Variants in RBFOX1 observed in about 807,000 individuals in gnomAD.
The protein encoded by RBFOX1 is RNA binding protein fox-1 homolog 1.
In RBFOX1, 8 loss-of-function variants were observed where a neutral mutation model predicts 57.7. That is an observed-to-expected ratio of 0.14 (90% CI 0.08 to 0.25). The LOEUF (loss-of-function observed/expected upper bound fraction) is 0.25, where lower values mean the gene tolerates loss of function less well. Among genes scored for constraint, RBFOX1 ranks in the 10% least tolerant of loss-of-function variants. The probability of loss-of-function intolerance (pLI) is 1.00; values close to 1 mark genes in which losing one functional copy is unlikely to be tolerated. For missense variants in RBFOX1, 611 were observed against 548.5 expected (o/e 1.11, Z -1.14); for synonymous variants, 326 against 222.4 (o/e 1.47, Z -4.15).
At chr16:5,938,663 G>T (rs1002873385) in intron 4 of RBFOX1, among the ~76,000 whole-genome samples, 1 of 152,062 alleles carries the variant, frequency 6.6e-6, no homozygotes, top group Admixed American at 6.6e-5. Flanking sequence ...TACACCTGGG[G>T]TCATTTTTTC....
chr16:7,029,059 T>C (rs1211802406), intron 3 of RBFOX1, among the ~76,000 whole-genome samples: 1,008 of 30,222 alleles, frequency 0.033, 82 homozygotes, highest in Non-Finnish European at 0.043. Flanking sequence ...TATATATATA[T>C]ATATATATAT....
At chr16:7,379,827 CTTCCTTCCCTTCCT>C (rs2097757328) in intron 4 of RBFOX1, among the ~76,000 whole-genome samples, 1 of 151,766 alleles carries the variant, frequency 6.6e-6, no homozygotes, top group African/African-American at 2.4e-5. Context: ...CCTCCCTCCT[CTTCCTTCCCTTCCT>C]TCCTCTTTTC....
At chr16:5,888,760 G>A (rs530203334) in intron 4 of RBFOX1, among the ~76,000 whole-genome samples, 100 of 138,374 alleles carry the variant, frequency 7.2e-4, no homozygotes, top group Non-Finnish European at 1.3e-3. Context: ...TCGTGCCACT[G>A]CACTCCAATC....
At chr16:6,256,437 C>T (rs908462770) in intron 1 of RBFOX1, among the ~76,000 whole-genome samples, 3 of 151,000 alleles carry the variant, frequency 2.0e-5, no homozygotes, top group South Asian at 4.2e-4. Flanking sequence ...CCTTCGAGAG[C>T]AGAGTTCATC....
At chr16:6,138,196 G>A (rs1169452816) in intron 1 of RBFOX1, among the ~76,000 whole-genome samples, 4 of 152,134 alleles carry the variant, frequency 2.6e-5, no homozygotes, top group Non-Finnish European at 5.9e-5. Context: ...ATGGGTGTGC[G>A]GTCTGGGCCC....
At chr16:5,507,627 G>A (rs2043423402) in intron 2 of RBFOX1, among the ~76,000 whole-genome samples, 2 of 152,322 alleles carry the variant, frequency 1.3e-5, no homozygotes, top group South Asian at 4.1e-4. Flanking sequence ...TGGAAATAGG[G>A]TCTTTGCAGT....
At chr16:7,356,954 C>T (rs904161448) in intron 4 of RBFOX1, among the ~76,000 whole-genome samples, 1 of 152,152 alleles carries the variant, frequency 6.6e-6, no homozygotes, top group Admixed American at 6.5e-5. Context: ...CTTGTTGCCT[C>T]TAGTTTCTGT....
chr16:7,034,072 C>T (rs968693656), intron 3 of RBFOX1, among the ~76,000 whole-genome samples: 19 of 152,224 alleles, frequency 1.2e-4, no homozygotes, highest in African/African-American at 4.1e-4. Context: ...GGGATGGGGA[C>T]GCGGTGGTGC....
At chr16:6,791,931 A>G (rs62016119) in intron 3 of RBFOX1, among the ~76,000 whole-genome samples, 14,102 of 152,236 alleles carry the variant, frequency 0.093, 757 homozygotes, top group East Asian at 0.14. Flanking sequence ...AGAACTAGAG[A>G]CTGGAACTTA....
Position 7,551,954 on chromosome 16 carries a change from G to C in RBFOX1, c.271-27823G>C, listed in dbSNP as rs551486597. 2.0e-5 allele frequency among the ~76,000 whole-genome samples: 3 copies of C among 152,276 alleles called. No individual in the cohort carries two copies. The East Asian group carries it at 5.8e-4, about 29-fold the overall frequency. ...GACAAACCCTAGGAGGAATATTCCAGCAGAAGAAATAGCATGTGCAAAGGC... is the reference window on the plus strand; with the variant it reads ...GACAAACCCTAGGAGGAATATTCCACCAGAAGAAATAGCATGTGCAAAGGC... On this transcript the variant is annotated intron_variant, in intron 5 of 15. Transcript: ENST00000550418.
At chr16:5,729,396 CTTTTTTT>C (rs71142649) in intron 3 of RBFOX1, among the ~76,000 whole-genome samples, 14 of 111,462 alleles carry the variant, frequency 1.3e-4, no homozygotes, top group Admixed American at 5.9e-4. Flanking sequence ...TTTTTCTTTT[CTTTTTTT>C]TTTTTTTTTT....
intron 5 of RBFOX1, among the ~76,000 whole-genome samples, chr16:7,524,776 T>G (rs1277229665): frequency 6.6e-6 from 1 of 152,226 alleles, no homozygotes; most frequent in African/African-American, 2.4e-5. Context: ...TTAATACTTT[T>G]AGGAAGATAA....
intron 3 of RBFOX1, among the ~76,000 whole-genome samples, chr16:6,733,243 C>A (rs1243614815): frequency 6.6e-6 from 1 of 152,116 alleles, no homozygotes; most frequent in Non-Finnish European, 1.5e-5. Context: ...GGCAAACTCC[C>A]TTTTTTGAAA....
chr16:6,349,561 A>G (rs2085939747), intron 2 of RBFOX1, among the ~76,000 whole-genome samples: 1 of 152,208 alleles, frequency 6.6e-6, no homozygotes. Context: ...TGGTTGGTAA[A>G]CAATTTGCAT....
At chr16:6,899,021 G>C (rs926104830) in intron 3 of RBFOX1, among the ~76,000 whole-genome samples, 4 of 151,470 alleles carry the variant, frequency 2.6e-5, no homozygotes, top group Non-Finnish European at 5.9e-5. Context: ...GCGCGTCTCT[G>C]TGTGTGTGTA....
At chr16:7,298,709 A>G (rs1249552271) in intron 4 of RBFOX1, among the ~76,000 whole-genome samples, 1 of 152,236 alleles carries the variant, frequency 6.6e-6, no homozygotes, top group Non-Finnish European at 1.5e-5. Flanking sequence ...ATGTATTCCT[A>G]CAATAAACTA....
Position 5,697,532 on chromosome 16 carries a change from A to ATTTTTTTTTTTTTTTTTTTT in RBFOX1, c.318+98573_318+98574insTTTTTTTTTTTTTTTTTTTT, listed in dbSNP as rs374138178. On this transcript the variant is annotated intron_variant, in intron 3 of 19. Coordinates refer to the RBFOX1 transcript ENST00000641259. ...GTTGTGGGCTTTTCTTTTCTTTTCT[A>ATTTTTTTTTTTTTTTTTTTT]TTCTTTTTTTTTTTTTTTTGAGATA... Among the ~76,000 whole-genome samples the ATTTTTTTTTTTTTTTTTTTT allele has an allele frequency of 1.5e-5, 2 of 133,966 alleles. 1 individual carries two copies. Among genetic ancestry groups the ATTTTTTTTTTTTTTTTTTTT allele is most frequent in the Non-Finnish European group, 3.1e-5 (2 of 63,834 alleles). The allele number at this position is 133,966 out of a possible 152,430, so 87.9% of individuals were successfully genotyped here.
intron 2 of RBFOX1, among the ~76,000 whole-genome samples, chr16:6,387,891 A>C (rs1452136314): frequency 6.6e-6 from 1 of 151,698 alleles, no homozygotes; most frequent in African/African-American, 2.4e-5. Flanking sequence ...GGCTCTGAGA[A>C]GCACTGTGTA....
At chr16:6,283,306 C>T (rs184808915) in intron 1 of RBFOX1, among the ~76,000 whole-genome samples, 3 of 152,290 alleles carry the variant, frequency 2.0e-5, no homozygotes, top group Non-Finnish European at 4.4e-5. Context: ...ACCTGGATTA[C>T]AGAGCAAGAC....
Sources: gnomAD v4.1 joint callset for allele counts (sites outside exome capture counted in the v4.1 genomes callset) on GRCh38, gnomAD v4.1.1 for gene constraint, MANE v1.5 for transcripts, NCBI Gene and HGNC (gene_info 2026-07-23, HGNC 2026-07-21) for gene names.